Variants in ZNF385D observed in about 807,000 individuals in gnomAD.
The protein encoded by ZNF385D is zinc finger protein 385D.
Under a neutral mutation model 35.8 loss-of-function variants are expected in ZNF385D, and 15 were observed. The ratio of observed to expected loss-of-function variants is 0.42; its 90% confidence interval spans 0.28 to 0.64. ZNF385D has a LOEUF of 0.64. ZNF385D is among the 30% of genes least tolerant of loss of function. The pLI is 0.23. For missense variants in ZNF385D, 474 were observed against 494.6 expected, an observed-to-expected ratio of 0.96 and a Z score of 0.39; for synonymous variants, 212 against 186.8, an observed-to-expected ratio of 1.13 and a Z score of -1.10.
At chr3:22,365,608 C>T (rs1013934637) in intron 2 of ZNF385D, among the ~76,000 whole-genome samples, 2 of 152,080 alleles carry the variant, frequency 1.3e-5, no homozygotes, top group African/African-American at 4.8e-5. Context: ...CAATTTAACA[C>T]ACCACCAAAA....
intron 3 of ZNF385D, among the ~76,000 whole-genome samples, chr3:21,819,780 T>A (rs991333743): frequency 2.3e-5 from 1 of 43,776 alleles, no homozygotes; most frequent in Non-Finnish European, 5.9e-5. Context: ...TTAATACACA[T>A]AAATATAATA....
intron 3 of ZNF385D, among the ~76,000 whole-genome samples, chr3:22,042,862 ATG>A (rs1698753107): frequency 6.6e-6 from 1 of 152,228 alleles, no homozygotes; most frequent in Non-Finnish European, 1.5e-5. Context: ...TCACAGACAT[ATG>A]TCAAAGTAAA....
intron 3 of ZNF385D, among the ~76,000 whole-genome samples, chr3:21,759,609 G>A (rs1381786561): frequency 6.6e-6 from 1 of 152,030 alleles, no homozygotes; most frequent in South Asian, 2.1e-4. Context: ...TGTGTAGCAG[G>A]CTGAAAGATC....
chr3:21,742,712 T>C (rs1165693780), intron 1 of ZNF385D, among the ~76,000 whole-genome samples: 1 of 152,208 alleles, frequency 6.6e-6, no homozygotes, highest in Non-Finnish European at 1.5e-5. Context: ...TTCAGGAGTC[T>C]CTCTTGTGTT....
rs373105142 is a variant in ZNF385D at position 21,684,365 on chromosome 3, CCTCTCTCTCTCTCTCT to C, written c.23-19353_23-19338del. Among the ~76,000 whole-genome samples, 215 of 73,372 alleles carry C rather than the reference CCTCTCTCTCTCTCTCT, an allele frequency of 2.9e-3. 7 individuals are homozygous for C. The highest frequency in any genetic ancestry group is 9.6e-3 in the African/African-American group (179 of 18,658). 48.1% of individuals were successfully genotyped at this position (73,372 alleles called of 152,430 possible). On this transcript the variant is annotated intron_variant, in intron 1 of 7. Coordinates refer to ENST00000281523, the MANE Select transcript of ZNF385D (RefSeq NM_024697.3). The stretch of plus-strand genomic sequence containing the variant: ...AAAGCCATAAATGGTTAACTGTTCT[CCTCTCTCTCTCTCTCT>C]CTCTCTCTCTCTCTCTCTCTCTCCT...
intron 3 of ZNF385D, among the ~76,000 whole-genome samples, chr3:21,968,947 G>C (rs756299127): frequency 3.3e-5 from 5 of 152,176 alleles, no homozygotes; most frequent in South Asian, 4.1e-4. Context: ...CCAAGCTGCT[G>C]GATGATATTG....
chr3:21,682,546 A>G (rs2066950609), intron 1 of ZNF385D, among the ~76,000 whole-genome samples: 1 of 150,290 alleles, frequency 6.7e-6, no homozygotes, highest in South Asian at 2.1e-4. Context: ...GAAAGGACAC[A>G]TTTTCAGGTC....
At chr3:21,894,152 C>T (rs1375190466) in intron 3 of ZNF385D, among the ~76,000 whole-genome samples, 1 of 152,106 alleles carries the variant, frequency 6.6e-6, no homozygotes, top group Admixed American at 6.5e-5. Context: ...TTGCACTAAG[C>T]TAGATAATTT....
At chr3:22,109,301 C>T (rs1702387443) in intron 3 of ZNF385D, among the ~76,000 whole-genome samples, 1 of 152,100 alleles carries the variant, frequency 6.6e-6, no homozygotes, top group Admixed American at 6.6e-5. Flanking sequence ...AGTATGTTTG[C>T]TAGGCATTAC....
In ZNF385D at chr3:21,708,042, C is replaced by T. The variant is rs1004044000; in HGVS notation, c.22+42853G>A. Among the ~76,000 whole-genome samples the T allele has an allele frequency of 1.3e-5, 2 of 152,286 alleles. 1 individual carries two copies. On this transcript the variant is annotated intron_variant, in intron 1 of 7. Coordinates refer to ENST00000281523, the MANE Select transcript of ZNF385D (RefSeq NM_024697.3). ...TAACAATCTCTATGTGACTCAGTTT[C>T]CTCATCTGTCAAAGAAGCAGCTAGA... is the stretch of plus-strand genomic sequence containing the variant.
chr3:21,969,638 A>T (rs902446079), intron 3 of ZNF385D, among the ~76,000 whole-genome samples: 1 of 152,152 alleles, frequency 6.6e-6, no homozygotes, highest in Non-Finnish European at 1.5e-5. Context: ...CATCATCCTG[A>T]CGAGAAGGAA....
intron 3 of ZNF385D, among the ~76,000 whole-genome samples, chr3:21,930,935 C>G (rs1264533392): frequency 6.6e-6 from 1 of 152,040 alleles, no homozygotes; most frequent in Non-Finnish European, 1.5e-5. Flanking sequence ...ATTAAAAGCA[C>G]AATCCATTTA....
At chr3:21,992,419 A>T (rs1695204257) in intron 3 of ZNF385D, among the ~76,000 whole-genome samples, 1 of 152,164 alleles carries the variant, frequency 6.6e-6, no homozygotes, top group Admixed American at 6.5e-5. Context: ...CGTTTCTGTG[A>T]GTTAGAAGCA....
At position 21,544,094 on chromosome 3, in the gene ZNF385D, A is replaced by G. The variant is rs139149814; in HGVS notation, c.276+20480T>C. ...GGATCTAATATTTTTTAAAGGGCAG[A>G]TAAAATCTGTGGTACCTTTCAGTTC... On this transcript the variant is annotated intron_variant, in intron 3 of 7. Coordinates refer to ENST00000281523, the MANE Select transcript of ZNF385D (RefSeq NM_024697.3). Among the ~76,000 whole-genome samples the G allele has an allele frequency of 8.0e-4, 122 of 152,364 alleles. 1 individual carries two copies. Among genetic ancestry groups the G allele is most frequent in the Middle Eastern group, 3.4e-3 (1 of 294 alleles).
At chr3:21,747,190 C>T (rs896833511) in intron 1 of ZNF385D, among the ~76,000 whole-genome samples, 11 of 152,114 alleles carry the variant, frequency 7.2e-5, no homozygotes, top group South Asian at 4.1e-4. Context: ...AACACCAAGG[C>T]GAACTTGAAT....
chr3:21,585,441 C>G (rs2063782035), intron 2 of ZNF385D, among the ~76,000 whole-genome samples: 1 of 152,138 alleles, frequency 6.6e-6, no homozygotes. Flanking sequence ...TTTAAGTAAA[C>G]TTTCTAAACC....
intron 2 of ZNF385D, among the ~76,000 whole-genome samples, chr3:21,574,125 C>T (rs2063421458): frequency 2.0e-5 from 3 of 150,180 alleles, no homozygotes; most frequent in African/African-American, 7.4e-5. Context: ...CAGTGACCAA[C>T]AATTACTACT....
At chr3:21,931,029 A>G (rs541155442) in intron 3 of ZNF385D, among the ~76,000 whole-genome samples, 4 of 152,290 alleles carry the variant, frequency 2.6e-5, no homozygotes, top group African/African-American at 9.6e-5. Flanking sequence ...ATGCCAAGTC[A>G]TATAAGGGAA....
chr3:21,507,826 A>G (rs1706892388), intron 4 of ZNF385D, among the ~76,000 whole-genome samples: 1 of 152,170 alleles, frequency 6.6e-6, no homozygotes, highest in Non-Finnish European at 1.5e-5. Flanking sequence ...AGAAAACTCA[A>G]ATTTGTTAGC....
Sources: allele counts gnomAD v4.1 joint callset (sites outside exome capture counted in the v4.1 genomes callset), GRCh38; gene constraint gnomAD v4.1.1; transcripts MANE v1.5; gene names NCBI Gene and HGNC (gene_info 2026-07-23, HGNC 2026-07-21).